ZFP3: variants seen among roughly 807,000 people sequenced by gnomAD.
ZFP3 encodes the protein zinc finger protein 3 homolog.
A neutral mutation model predicts 36.7 loss-of-function variants in ZFP3; 18 were observed. The observed-to-expected ratio is 0.49, with a 90% CI of 0.34 to 0.73. The LOEUF (loss-of-function observed/expected upper bound fraction) is 0.73. ZFP3 is among the 30% of genes least tolerant of loss of function. ZFP3 has a pLI of 0.01. For synonymous variants in ZFP3, 218 were observed against 199.0 expected (o/e 1.10, Z -0.81); for missense variants, 495 against 599.0 (o/e 0.83, Z 1.81).
chr17:5,087,058 C>T (rs1187006823), intron 1 of ZFP3, among the ~76,000 whole-genome samples: 2 of 148,456 alleles, frequency 1.3e-5, no homozygotes, highest in East Asian at 4.0e-4. Context: ...CTTATCCTAG[C>T]GAATCTCAAC....
chr17:5,095,619 A>G lies in ZFP3; in HGVS notation c.*2606A>G, dbSNP rs1366978334. On this transcript the variant is annotated 3_prime_UTR_variant, in exon 2 of 2. Coordinates refer to ENST00000318833, the MANE Select transcript of ZFP3 (RefSeq NM_153018.3). ...AGATAGTGTGTAAGCAAAGGAGAAG[A>G]GTTCACATTGTGCATCCTATTAGAC... 1 of 166,920 alleles carries G rather than the reference A, an allele frequency of 6.0e-6. No individual in the cohort carries two copies. The allele number at this position is 166,920 out of a possible 1,614,324, so 10.3% of individuals were successfully genotyped here. A position where few individuals can be genotyped will look rare whatever the true frequency, so the allele number is the denominator to read the frequency against.
chr17:5,089,318 C>T (rs760393257), intron 1 of ZFP3, among the ~76,000 whole-genome samples: 2 of 152,118 alleles, frequency 1.3e-5, no homozygotes, highest in Non-Finnish European at 2.9e-5. Flanking sequence ...ACTCATGGTC[C>T]AGGATGGTGT....
Position 5,094,336 on chromosome 17 carries a change from G to A in ZFP3, c.*1323G>A, listed in dbSNP as rs1255952378. 1 of 167,080 alleles carries A rather than the reference G, an allele frequency of 6.0e-6. No individual in the cohort carries two copies. The highest frequency in any genetic ancestry group is 1.5e-5 in the Non-Finnish European group (1 of 68,140). 10.3% of individuals were successfully genotyped at this position (167,080 alleles called of 1,614,324 possible). ...CAAAGTATTGAGATTACAGGTGTGAGCTACCATGCCCGGCCTTGAAATTCT... is the reference window on the plus strand; with the variant it reads ...CAAAGTATTGAGATTACAGGTGTGAACTACCATGCCCGGCCTTGAAATTCT... On this transcript the variant is annotated 3_prime_UTR_variant, in exon 2 of 2. Coordinates refer to ENST00000318833, the MANE Select transcript of ZFP3 (RefSeq NM_153018.3).
At position 5,092,633 on chromosome 17, in the gene ZFP3, A is replaced by C. The variant is rs2072156539; in HGVS notation, c.1129A>C (p.Asn377His). ...GGAATGTGGGAAGGCCTTCAGGGGG[A>C]ACTCAGAACTTCTTAGACATGAGAG... ...CKECGKAFRG[N>H]SELLRHERIH... Residue 377 changes from asparagine to histidine, a missense_variant, in exon 2 of 2, where the codon AAC becomes CAC. Transcript: ENST00000318833. This position sits in a 1 kb window ranked among gnomAD's most constrained non-coding sequence, Gnocchi z 5.0. The C allele has an allele frequency of 1.2e-6, 2 of 1,614,128 alleles. No individual in the cohort carries two copies. The highest frequency in any genetic ancestry group is 1.7e-6 in the Non-Finnish European group (2 of 1,180,020).
In ZFP3 at chr17:5,093,245, G is replaced by C; in HGVS notation, c.*232G>C. 2 of 445,054 alleles carry C rather than the reference G, an allele frequency of 4.5e-6. No homozygotes were observed. Among genetic ancestry groups the C allele is most frequent in the South Asian group, 9.7e-5 (2 of 20,560 alleles). 27.6% of individuals were successfully genotyped at this position (445,054 alleles called of 1,614,324 possible). A position where few individuals can be genotyped will look rare whatever the true frequency, so the allele number is the denominator to read the frequency against. On this transcript the variant is annotated 3_prime_UTR_variant, in exon 2 of 2. Transcript: ENST00000318833. ...CAGGATGGGATGCAGTGGCACAGTC[G>C]TAACTCACTGCTTCCTTGAACTCCT... is the stretch of plus-strand genomic sequence containing the variant.
In ZFP3 at chr17:5,091,721, T is replaced by C. The variant is rs775840307; in HGVS notation, c.217T>C (p.Leu73=). Residue 73 remains leucine, a synonymous_variant, in exon 2 of 2, where the codon TTG becomes CTG. Coordinates refer to ENST00000318833, the MANE Select transcript of ZFP3 (RefSeq NM_153018.3). ...SPQERDFPSG[L]MIFKKSPSSE... The stretch of plus-strand genomic sequence containing the variant: ...TCAGGAGAGAGACTTTCCATCAGGG[T>C]TGATGATCTTTAAGAAATCACCCTC... 20 of 1,614,056 alleles carry C rather than the reference T, an allele frequency of 1.2e-5. No homozygotes were observed. In the African/African-American group the frequency reaches 2.3e-4, roughly 18 times the overall value.
At chr17:5,087,981 C>T (rs1457208955) in intron 1 of ZFP3, among the ~76,000 whole-genome samples, 1 of 152,112 alleles carries the variant, frequency 6.6e-6, no homozygotes, top group African/African-American at 2.4e-5. Flanking sequence ...CTGGAGCACT[C>T]GTGACTGTTT....
intron 1 of ZFP3, among the ~76,000 whole-genome samples, chr17:5,087,304 C>T (rs1016901283): frequency 2.0e-5 from 3 of 151,548 alleles, no homozygotes; most frequent in Admixed American, 2.0e-4. Context: ...TCTCAAACTC[C>T]TGGGCTCAAG....
chr17:5,091,671 A>G lies in ZFP3; in HGVS notation c.167A>G (p.Glu56Gly), dbSNP rs201107871. 4 of 1,614,208 alleles carry G rather than the reference A, an allele frequency of 2.5e-6. No homozygotes were observed. The East Asian group carries it at 8.9e-5, about 36-fold the overall frequency. Residue 56 changes from glutamate (E) to glycine (G), a missense_variant, in exon 2 of 2, where the codon GAA becomes GGA. By Grantham distance (98) the Glu-to-Gly change is moderately conservative. Coordinates refer to ENST00000318833, the MANE Select transcript of ZFP3 (RefSeq NM_153018.3). ...MLEGHSRESMEEVIEQMSPQE... is the reference protein window; with the variant it reads ...MLEGHSRESMGEVIEQMSPQE... ...GAGGGACATTCGAGAGAGTCCATGGAAGAGGTTATAGAGCAGATGTCTCCT... is the reference window on the plus strand; with the variant it reads ...GAGGGACATTCGAGAGAGTCCATGGGAGAGGTTATAGAGCAGATGTCTCCT...
At chr17:5,082,327 A>G (rs2072098302) in intron 1 of ZFP3, among the ~76,000 whole-genome samples, 1 of 152,014 alleles carries the variant, frequency 6.6e-6, no homozygotes, top group Admixed American at 6.6e-5. Flanking sequence ...AGCCTGGGCG[A>G]CAGAGTGAGA....
Position 5,095,701 on chromosome 17 carries a change from T to G in ZFP3, c.*2688T>G, listed in dbSNP as rs1229029242. ...ACCAATGAAGGTTTTCCTCTTGTCC[T>G]CCCCTCTCAAGGCTCAGTCACCTCA... On this transcript the variant is annotated 3_prime_UTR_variant, in exon 2 of 2. Transcript: ENST00000318833. 2 of 166,150 alleles carry G rather than the reference T, an allele frequency of 1.2e-5. No individual in the cohort carries two copies. The highest frequency in any genetic ancestry group is 3.9e-4 in the East Asian group (2 of 5,176). 10.3% of individuals were successfully genotyped at this position (166,150 alleles called of 1,614,324 possible). A position where few individuals can be genotyped will look rare whatever the true frequency, so the allele number is the denominator to read the frequency against.
chr17:5,089,940 GAGCC>G (rs2072141505), intron 1 of ZFP3, among the ~76,000 whole-genome samples: 1 of 152,116 alleles, frequency 6.6e-6, no homozygotes. Context: ...TTACAGGTGT[GAGCC>G]ACCACACCCT....
At chr17:5,083,875 T>TCTTTTCTTTTCTTTC (rs2072106937) in intron 1 of ZFP3, among the ~76,000 whole-genome samples, 1 of 135,718 alleles carries the variant, frequency 7.4e-6, no homozygotes, top group African/African-American at 2.5e-5. Flanking sequence ...TCTTTTCTTT[T>TCTTTTCTTTTCTTTC]CTTTTTTTTG....
chr17:5,084,265 G>A (rs1318452429), intron 1 of ZFP3, among the ~76,000 whole-genome samples: 1 of 137,864 alleles, frequency 7.3e-6, no homozygotes, highest in Non-Finnish European at 1.5e-5. Flanking sequence ...TTGTGAATGA[G>A]GCTTTTTTTT....
Position 5,094,910 on chromosome 17 carries a change from C to G in ZFP3, c.*1897C>G, listed in dbSNP as rs145261901. On this transcript the variant is annotated 3_prime_UTR_variant, in exon 2 of 2. Transcript: ENST00000318833. ...CCATCAATGATGTGGGTATTCTTAC[C>G]CCAATTTAAAAGATAAGAAGGGGCA... 73 of 166,872 alleles carry G rather than the reference C, an allele frequency of 4.4e-4. No homozygotes were observed. Among genetic ancestry groups the G allele is most frequent in the Non-Finnish European group, 9.1e-4 (62 of 68,072 alleles). 10.3% of individuals were successfully genotyped at this position (166,872 alleles called of 1,614,324 possible). A position where few individuals can be genotyped will look rare whatever the true frequency, so the allele number is the denominator to read the frequency against.
chr17:5,086,724 CTTTTTTT>C (rs5819008), intron 1 of ZFP3, among the ~76,000 whole-genome samples: 6 of 110,660 alleles, frequency 5.4e-5, no homozygotes, highest in African/African-American at 1.1e-4. Context: ...CATTTTCTTT[CTTTTTTT>C]TTTTTTTTTT....
chr17:5,088,254 C>T (rs1034025733), intron 1 of ZFP3, among the ~76,000 whole-genome samples: 4 of 152,118 alleles, frequency 2.6e-5, no homozygotes, highest in Admixed American at 6.6e-5. Context: ...AATTACCATC[C>T]CTCAAATTGA....
At chr17:5,080,105 C>T (rs1448603754) in intron 1 of ZFP3, among the ~76,000 whole-genome samples, 1 of 152,058 alleles carries the variant, frequency 6.6e-6, no homozygotes, top group Non-Finnish European at 1.5e-5. Context: ...CTGGCAGCAT[C>T]TCCCTTGTTT....
At chr17:5,088,780 G>A (rs180869690) in intron 1 of ZFP3, among the ~76,000 whole-genome samples, 2 of 152,132 alleles carry the variant, frequency 1.3e-5, no homozygotes, top group Admixed American at 1.3e-4. Flanking sequence ...GCCACTAAAC[G>A]ACCACGAGTG....
Sources: allele counts gnomAD v4.1 joint callset (sites outside exome capture counted in the v4.1 genomes callset), GRCh38; gene constraint gnomAD v4.1.1; non-coding constraint Gnocchi (gnomAD v3.1); transcripts MANE v1.5; gene names NCBI Gene and HGNC (gene_info 2026-07-23, HGNC 2026-07-21).